KCNH7: variants seen among roughly 807,000 people sequenced by gnomAD.
KCNH7 encodes the protein voltage-gated inwardly rectifying potassium channel KCNH7.
Under a neutral mutation model 120.8 loss-of-function variants are expected in KCNH7, and 49 were observed. That is an observed-to-expected ratio of 0.41 (90% confidence interval 0.32 to 0.51). KCNH7 has a LOEUF of 0.51. KCNH7 is among the 20% of genes least tolerant of loss of function. The probability of loss-of-function intolerance (pLI) is 0.38; values close to 1 mark genes in which losing one functional copy is unlikely to be tolerated. For synonymous variants in KCNH7, 547 were observed against 516.1 expected (o/e 1.06, Z -0.81); for missense variants, 1,097 against 1,446.6 (o/e 0.76, Z 3.92).
At chr2:162,634,107 A>G (rs1231820548) in intron 2 of KCNH7, among the ~76,000 whole-genome samples, 2 of 152,056 alleles carry the variant, frequency 1.3e-5, no homozygotes, top group Non-Finnish European at 2.9e-5. Context: ...TGTTCATCAT[A>G]TCTTCTACTC....
chr2:162,457,882 A>T (rs933799084), intron 6 of KCNH7, among the ~76,000 whole-genome samples: 1 of 152,140 alleles, frequency 6.6e-6, no homozygotes, highest in South Asian at 2.1e-4. Flanking sequence ...TTTGTGAAAA[A>T]CAGCCAAACC....
intron 2 of KCNH7, among the ~76,000 whole-genome samples, chr2:162,645,064 A>C (rs1419108803): frequency 6.6e-6 from 1 of 152,194 alleles, no homozygotes; most frequent in Admixed American, 6.5e-5. Context: ...TTTTAGCAAA[A>C]TCAGTGTATG....
chr2:162,573,106 A>T (rs1357398928), intron 2 of KCNH7, among the ~76,000 whole-genome samples: 2 of 152,078 alleles, frequency 1.3e-5, no homozygotes, highest in African/African-American at 4.8e-5. Flanking sequence ...TAATTTTTAT[A>T]CTTGATCTCA....
At chr2:162,615,967 C>G (rs754871553) in intron 2 of KCNH7, among the ~76,000 whole-genome samples, 1 of 152,108 alleles carries the variant, frequency 6.6e-6, no homozygotes, top group Non-Finnish European at 1.5e-5. Context: ...TTAGAAGTTA[C>G]TAAATTAGAG....
chr2:162,547,656 T>C (rs1445130347), intron 2 of KCNH7, among the ~76,000 whole-genome samples: 1 of 152,154 alleles, frequency 6.6e-6, no homozygotes, highest in Non-Finnish European at 1.5e-5. Context: ...CCAAGTCACA[T>C]GGCTAGTCTG....
intron 8 of KCNH7, among the ~76,000 whole-genome samples, chr2:162,430,815 T>C (rs1373319550): frequency 2.6e-5 from 4 of 151,858 alleles, no homozygotes; most frequent in South Asian, 4.1e-4. Context: ...AGGTCAGAAA[T>C]GGAATACATT....
intron 2 of KCNH7, among the ~76,000 whole-genome samples, chr2:162,723,256 T>C (rs554878782): frequency 5.9e-5 from 9 of 152,218 alleles, no homozygotes; most frequent in African/African-American, 1.9e-4. Context: ...CTGGTCTTCA[T>C]GAACTAGTCT....
chr2:162,385,464 C>T (rs890537875), intron 12 of KCNH7, among the ~76,000 whole-genome samples: 1 of 151,890 alleles, frequency 6.6e-6, no homozygotes, highest in Non-Finnish European at 1.5e-5. Context: ...CCTTGGCATT[C>T]CAGGCAGTTT....
chr2:162,835,413 A>G (rs1685627454), intron 2 of KCNH7, among the ~76,000 whole-genome samples: 1 of 152,098 alleles, frequency 6.6e-6, no homozygotes, highest in South Asian at 2.1e-4. Context: ...ATTATATGAT[A>G]TAGGCTATGG....
chr2:162,484,177 C>A (rs555598889), intron 6 of KCNH7, among the ~76,000 whole-genome samples: 20 of 151,612 alleles, frequency 1.3e-4, no homozygotes, highest in African/African-American at 4.8e-4. Flanking sequence ...AGAACTAGAC[C>A]AAATTTATTG....
chr2:162,607,056 T>A (rs1222152763), intron 2 of KCNH7, among the ~76,000 whole-genome samples: 1 of 151,970 alleles, frequency 6.6e-6, no homozygotes, highest in Admixed American at 6.6e-5. Context: ...ATTATAACAC[T>A]AATTTTTAAA....
chr2:162,657,724 G>A (rs906749895), intron 2 of KCNH7, among the ~76,000 whole-genome samples: 2 of 152,146 alleles, frequency 1.3e-5, no homozygotes, highest in African/African-American at 4.8e-5. Flanking sequence ...CTGGATATAT[G>A]TAAGTGTATG....
At chr2:162,593,709 T>C (rs1694287779) in intron 2 of KCNH7, among the ~76,000 whole-genome samples, 2 of 152,052 alleles carry the variant, frequency 1.3e-5, no homozygotes, top group South Asian at 4.1e-4. Context: ...GCCATGAACC[T>C]ATTTGACATT....
chr2:162,686,826 A>T (rs1685909296), intron 2 of KCNH7, among the ~76,000 whole-genome samples: 1 of 152,152 alleles, frequency 6.6e-6, no homozygotes, highest in Non-Finnish European at 1.5e-5. Flanking sequence ...TCTGCCAGGC[A>T]TGTGAGCTGC....
rs139630633 is a variant in KCNH7, at chr2:162,786,700, T to C, written c.307+49837A>G. On this transcript the variant is annotated intron_variant, in intron 2 of 15. Transcript: ENST00000332142. ...CAAGCATGCTTAAATTTACTGAACA[T>C]GACCTATGTTGATTTGGGGAGGTAT... Among the ~76,000 whole-genome samples, 109 of 152,348 alleles carry C rather than the reference T, an allele frequency of 7.2e-4. No individual in the cohort carries two copies. In the Middle Eastern group the frequency reaches 0.014, roughly 19 times the overall value.
intron 2 of KCNH7, among the ~76,000 whole-genome samples, chr2:162,727,061 T>C (rs1353782563): frequency 1.3e-5 from 2 of 152,216 alleles, no homozygotes; most frequent in Non-Finnish European, 2.9e-5. Flanking sequence ...CATGCATTCA[T>C]ACAGATACTT....
intron 2 of KCNH7, among the ~76,000 whole-genome samples, chr2:162,683,290 A>T (rs1685777387): frequency 6.6e-6 from 1 of 151,900 alleles, no homozygotes; most frequent in Non-Finnish European, 1.5e-5. Context: ...AAAGCACAGA[A>T]TTTCCTATTC....
Position 162,838,528 on chromosome 2 carries a change from G to A in KCNH7, c.-10C>T, listed in dbSNP as rs1405435369. 6.2e-7 allele frequency: 1 copy of A among 1,609,116 alleles called. No individual in the cohort carries two copies. The highest frequency in any genetic ancestry group is 8.5e-7 in the Non-Finnish European group (1 of 1,177,670). On this transcript the variant is annotated 5_prime_UTR_variant, in exon 1 of 16. Transcript: ENST00000332142. ...CCCTGCGCACAGGCATGTTGGCCCC[G>A]GTCTTCCGAGGAGCGCTCCCCCGGA...
chr2:162,606,194 G>A (rs1682760260), intron 2 of KCNH7, among the ~76,000 whole-genome samples: 1 of 151,876 alleles, frequency 6.6e-6, no homozygotes, highest in African/African-American at 2.4e-5. Context: ...CATTTCTGTG[G>A]CCCATGAATT....
Sources: allele counts gnomAD v4.1 joint callset (sites outside exome capture counted in the v4.1 genomes callset), GRCh38; gene constraint gnomAD v4.1.1; transcripts MANE v1.5; gene names NCBI Gene and HGNC (gene_info 2026-07-23, HGNC 2026-07-21).